Variants in IDH2 observed in about 807,000 individuals in gnomAD.
The protein encoded by IDH2 is isocitrate dehydrogenase [NADP], mitochondrial.
In IDH2, 18 loss-of-function variants were observed where a neutral mutation model predicts 50.5. The ratio of observed to expected loss-of-function variants is 0.36; its 90% confidence interval spans 0.25 to 0.53. The LOEUF (loss-of-function observed/expected upper bound fraction) is 0.53. Ranked by LOEUF, IDH2 falls within the 20% of genes least tolerant of loss-of-function variation. The pLI is 0.92. For missense variants in IDH2, 518 were observed against 610.7 expected, an observed-to-expected ratio of 0.85 and a Z score of 1.60; for synonymous variants, 280 against 239.8, an observed-to-expected ratio of 1.17 and a Z score of -1.55.
At chr15:90,094,113 G>A (rs1901120360) in intron 1 of IDH2, among the ~76,000 whole-genome samples, 1 of 152,186 alleles carries the variant, frequency 6.6e-6, no homozygotes, top group Admixed American at 6.5e-5. Context: ...AGTCCTACCA[G>A]AGAAGCATCA....
At chr15:90,096,555 T>C (rs1227728250) in intron 1 of IDH2, among the ~76,000 whole-genome samples, 1 of 152,080 alleles carries the variant, frequency 6.6e-6, no homozygotes, top group East Asian at 1.9e-4. Context: ...TCTTGTGCCC[T>C]GTTGGTGGGA....
rs1555462243 is a variant in IDH2 at position 90,098,531 on chromosome 15, C to CATGTATGTATGCATGCATGTATGT, written c.115+3744_115+3745insACATACATGCATGCATACATACAT. 7.2e-6 allele frequency among the ~76,000 whole-genome samples: 1 copy of CATGTATGTATGCATGCATGTATGT among 138,354 alleles called. No individual in the cohort carries two copies. The highest frequency in any genetic ancestry group is 1.6e-5 in the Non-Finnish European group (1 of 62,880). 90.8% of individuals were successfully genotyped at this position (138,354 alleles called of 152,430 possible). A position where few individuals can be genotyped will look rare whatever the true frequency, so the allele number is the denominator to read the frequency against. On this transcript the variant is annotated intron_variant, in intron 1 of 10. Coordinates refer to ENST00000330062, the MANE Select transcript of IDH2 (RefSeq NM_002168.4). This position sits in a 1 kb window ranked among gnomAD's most constrained non-coding sequence, Gnocchi z 5.1. Reference sequence around the variant, plus strand: ...GTATGTATGTATGTATGTATGCATGCATGTATGTATGTATGTATGTATGTA... The same window carrying CATGTATGTATGCATGCATGTATGT: ...GTATGTATGTATGTATGTATGCATGCATGTATGTATGCATGCATGTATGTATGTATGTATGTATGTATGTATGTA...
chr15:90,099,077 G>A (rs183681460), intron 1 of IDH2, among the ~76,000 whole-genome samples: 26 of 152,050 alleles, frequency 1.7e-4, no homozygotes, highest in East Asian at 1.5e-3. Context: ...CATCCCCAGC[G>A]CCACCACCCA....
rs1185519209 is a variant in IDH2 at position 90,098,502 on chromosome 15, T to TTATG, written c.115+3770_115+3773dup. Among the ~76,000 whole-genome samples the TTATG allele has an allele frequency of 0.031, 1,754 of 56,712 alleles. 27 individuals carry two copies. The highest frequency in any genetic ancestry group is 0.069 in the African/African-American group (1,536 of 22,238). 37.2% of individuals were successfully genotyped at this position (56,712 alleles called of 152,430 possible). The stretch of plus-strand genomic sequence containing the variant: ...AGGCAGGACAGCAACTTTGTATATT[T>TTATG]TATGTATGTATGTATGTATGTATGC... On this transcript the variant is annotated intron_variant, in intron 1 of 10. Coordinates refer to ENST00000330062, the MANE Select transcript of IDH2 (RefSeq NM_002168.4). This position sits in a 1 kb window ranked among gnomAD's most constrained non-coding sequence, Gnocchi z 5.1.
rs769048437 is a variant in IDH2, at chr15:90,087,806, C to CTTTTT, written c.679-236_679-232dup. ...TTTTTTTTTTTTTGGAAAACACCGC[C>CTTTTT]TTTTTTTTTTTTTTTTTGGAAACAA... is the stretch of plus-strand genomic sequence containing the variant. On this transcript the variant is annotated intron_variant, in intron 5 of 10. Coordinates refer to ENST00000330062, the MANE Select transcript of IDH2 (RefSeq NM_002168.4). 8.0e-4 allele frequency among the ~76,000 whole-genome samples: 95 copies of CTTTTT among 119,354 alleles called. 3 individuals are homozygous for CTTTTT. Among genetic ancestry groups the CTTTTT allele is most frequent in the African/African-American group, 2.7e-3 (80 of 29,604 alleles). 78.3% of individuals were successfully genotyped at this position (119,354 alleles called of 152,430 possible). A position where few individuals can be genotyped will look rare whatever the true frequency, so the allele number is the denominator to read the frequency against.
intron 1 of IDH2, among the ~76,000 whole-genome samples, chr15:90,102,068 C>T (rs1043118349): frequency 3.3e-5 from 5 of 151,976 alleles, no homozygotes; most frequent in African/African-American, 9.7e-5. Flanking sequence ...TGCCACCGTC[C>T]CTCAAGTCCC....
intron 5 of IDH2, among the ~76,000 whole-genome samples, chr15:90,087,806 CTT>C (rs769048437): frequency 1.4e-3 from 169 of 119,344 alleles, no homozygotes; most frequent in African/African-American, 5.5e-3. Flanking sequence ...AAAACACCGC[CTT>C]TTTTTTTTTT....
At position 90,085,540 on chromosome 15, in the gene IDH2, C is replaced by G. The variant is rs775279054; in HGVS notation, c.968-153G>C. ...TGCAACTGGGAGGACAGGGACTGTT[C>G]CAGGTCTCTTCACCCTCCTGTGGGT... is the stretch of plus-strand genomic sequence containing the variant. On this transcript the variant is annotated intron_variant, in intron 7 of 10. Transcript: ENST00000330062. This position sits in a 1 kb window ranked among gnomAD's most constrained non-coding sequence, Gnocchi z 5.5. 2.0e-5 allele frequency among the ~76,000 whole-genome samples: 3 copies of G among 152,206 alleles called. No individual in the cohort carries two copies. The highest frequency in any genetic ancestry group is 4.8e-5 in the African/African-American group (2 of 41,452).
chr15:90,088,247 G>A, intron 5 of IDH2, 112 bp downstream of exon 5: 1 of 1,389,680 alleles, frequency 7.2e-7, no homozygotes. Flanking sequence ...GGCCATTTCT[G>A]CCTCTTTGTG....
chr15:90,102,329 C>T lies in IDH2; in HGVS notation c.62G>A (p.Trp21Ter), dbSNP rs776341694. 4.4e-6 allele frequency: 6 copies of T among 1,364,290 alleles called. No homozygotes were observed. Among genetic ancestry groups the T allele is most frequent in the Non-Finnish European group, 4.8e-6 (5 of 1,048,936 alleles). 84.5% of individuals were successfully genotyped at this position (1,364,290 alleles called of 1,614,324 possible). A position where few individuals can be genotyped will look rare whatever the true frequency, so the allele number is the denominator to read the frequency against. The change falls in exon 1 of 11, where the codon TGG (tryptophan) becomes TAG (stop). Residue 21 changes from tryptophan (W) to a stop codon, truncating the protein, a stop_gained. Coordinates refer to ENST00000330062, the MANE Select transcript of IDH2 (RefSeq NM_002168.4). LOFTEE classifies it high-confidence loss of function. ...LCRASGSRPA[W>*]APAALTAPTS... ...GGGGGCTGTCAGGGCCGCCGGCGCC[C>T]AGGCCGGCCGCGAGCCTGAGGCTCT...
Position 90,084,509 on chromosome 15 carries a change from T to C in IDH2, c.1272-156A>G, listed in dbSNP as rs1900805889. On this transcript the variant is annotated intron_variant, in intron 10 of 10. Transcript: ENST00000330062. This position sits in a 1 kb window ranked among gnomAD's most constrained non-coding sequence, Gnocchi z 5.0. ...AGAGGCCAGCTATAGCCCCCTACCA[T>C]GAGGCCACCGAGATTCGGCAGGCAC... 6.9e-6 allele frequency among the ~76,000 whole-genome samples: 1 copy of C among 145,332 alleles called. No individual in the cohort carries two copies. The highest frequency in any genetic ancestry group is 2.2e-4 in the South Asian group (1 of 4,462).
At position 90,090,542 on chromosome 15, in the gene IDH2, T is replaced by C. The variant is rs776827975; in HGVS notation, c.310A>G (p.Thr104Ala). Reference sequence around the variant, plus strand: ...TTGACAGCCACACTGTACTTCTGGGTGGCCAGTGCAGAGTCAATGGTGACC... The same window carrying C: ...TTGACAGCCACACTGTACTTCTGGGCGGCCAGTGCAGAGTCAATGGTGACC... ...DQVTIDSALA[T>A]QKYSVAVKCA... The change falls in exon 3 of 11, where the codon ACC (threonine) becomes GCC (alanine). Residue 104 changes from threonine (T) to alanine (A), a missense_variant. Thr to Ala is a moderately conservative substitution (Grantham distance 58). Coordinates refer to ENST00000330062, the MANE Select transcript of IDH2 (RefSeq NM_002168.4). 1 of 1,614,106 alleles carries C rather than the reference T, an allele frequency of 6.2e-7. No homozygotes were observed. The highest frequency in any genetic ancestry group is 2.2e-5 in the East Asian group (1 of 44,882).
intron 2 of IDH2, 116 bp downstream of exon 2, chr15:90,091,437 T>TGCC (rs1901032514): frequency 9.2e-6 from 7 of 763,214 alleles, no homozygotes; most frequent in Non-Finnish European, 1.4e-5. Context: ...GAGCTGCTGC[T>TGCC]GCCTACCAGG....
chr15:90,098,577 C>T lies in IDH2; in HGVS notation c.115+3699G>A, dbSNP rs28611491. 0.26 allele frequency among the ~76,000 whole-genome samples: 21,852 copies of T among 83,360 alleles called. 2,043 individuals are homozygous for T. Among genetic ancestry groups the T allele is most frequent in the African/African-American group, 0.34 (10,502 of 30,594 alleles). The allele number at this position is 83,360 out of a possible 152,430, so 54.7% of individuals were successfully genotyped here. A position where few individuals can be genotyped will look rare whatever the true frequency, so the allele number is the denominator to read the frequency against. On this transcript the variant is annotated intron_variant, in intron 1 of 10. Transcript: ENST00000330062. The surrounding 1 kb of genome is among the most constrained non-coding windows in gnomAD (Gnocchi z 5.1). The stretch of plus-strand genomic sequence containing the variant: ...ATGTATGTATTGAGACAGAGTCTCA[C>T]TCTGTCGCCTACACTGGAGGGCAGT...
At position 90,088,752 on chromosome 15, in the gene IDH2, G is replaced by A. The variant is rs2151549952; in HGVS notation, c.374-5C>T. 2 of 1,613,898 alleles carry A rather than the reference G, an allele frequency of 1.2e-6. No homozygotes were observed. Among genetic ancestry groups the A allele is most frequent in the Non-Finnish European group, 1.7e-6 (2 of 1,179,982 alleles). On this transcript the variant is annotated splice_region_variant and splice_polypyrimidine_tract_variant and intron_variant, in intron 3 of 10. Coordinates refer to ENST00000330062, the MANE Select transcript of IDH2 (RefSeq NM_002168.4). The stretch of plus-strand genomic sequence containing the variant: ...ACATCTTCTTCAGCTTGAACTCTGT[G>A]AGGACAGAGATAATAGTGGTCCCAC...
chr15:90,087,334 C>T (rs2151548283), intron 6 of IDH2, 71 bp from the exon 7 acceptor site: 4 of 1,612,398 alleles, frequency 2.5e-6, no homozygotes, highest in Non-Finnish European at 2.5e-6. Flanking sequence ...CCCTGAGCCT[C>T]GGAGCTGAGC....
At chr15:90,094,091 C>T (rs36118949) in intron 1 of IDH2, among the ~76,000 whole-genome samples, 29,969 of 152,020 alleles carry the variant, frequency 0.2, 3,873 homozygotes, top group East Asian at 0.58. Flanking sequence ...TCCCAGCCGA[C>T]GCAGGTGGGT....
In IDH2 at chr15:90,083,119, A is replaced by ATTTTTTTTTTTTT. The variant is rs59583363; in HGVS notation, c.*1134_*1146dup. ...GGGGCTAAAAAACTTGCATAGAGCA[A>ATTTTTTTTTTTTT]TTTTTTTTTTTTTTTTTTTTTTTTT... On this transcript the variant is annotated 3_prime_UTR_variant, in exon 11 of 11. Transcript: ENST00000330062. 2 of 62,704 alleles carry ATTTTTTTTTTTTT rather than the reference A, an allele frequency of 3.2e-5. No homozygotes were observed. The highest frequency in any genetic ancestry group is 6.1e-5 in the African/African-American group (1 of 16,526). The allele number at this position is 62,704 out of a possible 1,614,324, so 3.9% of individuals were successfully genotyped here.
intron 1 of IDH2, among the ~76,000 whole-genome samples, chr15:90,101,411 G>A (rs1215370673): frequency 6.6e-6 from 1 of 152,092 alleles, no homozygotes; most frequent in Non-Finnish European, 1.5e-5. Context: ...GCAGGCCGAT[G>A]CCCACACGCC....
Sources: gnomAD v4.1 joint callset for allele counts (sites outside exome capture counted in the v4.1 genomes callset) on GRCh38, gnomAD v4.1.1 for gene constraint, Gnocchi (gnomAD v3.1) non-coding constraint, MANE v1.5 for transcripts, NCBI Gene and HGNC (gene_info 2026-07-23, HGNC 2026-07-21) for gene names.